FAM83B: variants seen among roughly 807,000 people sequenced by gnomAD.
FAM83B encodes scaffolding CK1 anchoring protein B.
Under a neutral mutation model 38.8 loss-of-function variants are expected in FAM83B, and 26 were observed. The ratio of observed to expected loss-of-function variants is 0.67; its 90% CI spans 0.49 to 0.93. FAM83B has a LOEUF of 0.93. Ranked by LOEUF, FAM83B falls within the 40% of genes least tolerant of loss-of-function variation. The pLI is 0.00. For synonymous variants in FAM83B, 419 were observed against 423.1 expected (o/e 0.99, Z 0.12); for missense variants, 1,237 against 1,197.3 (o/e 1.03, Z -0.49).
chr6:54,911,140 C>CGT (rs138421344), intron 2 of FAM83B, among the ~76,000 whole-genome samples: 2,254 of 147,468 alleles, frequency 0.015, 38 homozygotes, highest in African/African-American at 0.036. Flanking sequence ...TGACACACAG[C>CGT]GTGTGTGTGT....
intron 1 of FAM83B, among the ~76,000 whole-genome samples, chr6:54,848,785 TC>T (rs990365675): frequency 6.6e-6 from 1 of 152,164 alleles, no homozygotes; most frequent in Non-Finnish European, 1.5e-5. Flanking sequence ...GAAACTGTTA[TC>T]CCATCAAAGC....
At chr6:54,927,781 C>T (rs1773336251) in intron 4 of FAM83B, 149 bp downstream of exon 4, 2 of 648,480 alleles carry the variant, frequency 3.1e-6, no homozygotes, top group Non-Finnish European at 4.4e-6. Flanking sequence ...AGATTAGAGA[C>T]CTAGGTTTGA....
chr6:54,935,749 C>T (rs902937589), intron 4 of FAM83B, among the ~76,000 whole-genome samples: 17 of 151,922 alleles, frequency 1.1e-4, no homozygotes, highest in Admixed American at 3.9e-4. Context: ...TCAAATTAGC[C>T]GAAAATGCTA....
chr6:54,933,592 A>C (rs1773468864), intron 4 of FAM83B, among the ~76,000 whole-genome samples: 1 of 152,158 alleles, frequency 6.6e-6, no homozygotes, highest in East Asian at 1.9e-4. Flanking sequence ...AGACATCTTA[A>C]AAATAATCAG....
intron 2 of FAM83B, among the ~76,000 whole-genome samples, chr6:54,888,401 G>T (rs1211236674): frequency 6.6e-6 from 1 of 151,802 alleles, no homozygotes; most frequent in African/African-American, 2.4e-5. Context: ...TCTTCCTAAA[G>T]AATTCCCTTT....
chr6:54,875,537 A>T (rs1013965242), intron 2 of FAM83B, among the ~76,000 whole-genome samples: 2 of 152,224 alleles, frequency 1.3e-5, no homozygotes, highest in Non-Finnish European at 2.9e-5. Context: ...ATCCTGGGAC[A>T]TTAAGTTGAA....
intron 2 of FAM83B, among the ~76,000 whole-genome samples, chr6:54,894,848 T>G (rs1581907229): frequency 6.6e-6 from 1 of 152,214 alleles, no homozygotes; most frequent in Non-Finnish European, 1.5e-5. Context: ...GGGCAGTGGT[T>G]GAGAGCATGA....
At chr6:54,859,022 G>A (rs1771511251) in intron 1 of FAM83B, among the ~76,000 whole-genome samples, 1 of 152,070 alleles carries the variant, frequency 6.6e-6, no homozygotes, top group Admixed American at 6.6e-5. Flanking sequence ...GACAGTTTCT[G>A]TATGGGCATT....
chr6:54,902,985 A>G (rs1230632292), intron 2 of FAM83B, among the ~76,000 whole-genome samples: 1 of 152,236 alleles, frequency 6.6e-6, no homozygotes, highest in South Asian at 2.1e-4. Flanking sequence ...AAAAAATAGA[A>G]CAAGTCATCT....
chr6:54,869,453 C>A (rs1036214644), intron 1 of FAM83B, among the ~76,000 whole-genome samples: 2 of 152,128 alleles, frequency 1.3e-5, no homozygotes, highest in African/African-American at 2.4e-5. Context: ...TTAAAAGGAA[C>A]CTGTTTTCCA....
rs767013727 is a variant in FAM83B at position 54,941,355 on chromosome 6, C to T, written c.2384C>T (p.Pro795Leu). The stretch of plus-strand genomic sequence containing the variant: ...GAAAATCTATCCAAAAATAAAGCAC[C>T]TGCCTTTTATAGATTGTGTAGTAGC... ...KKENLSKNKA[P>L]AFYRLCSSSD... The change falls in exon 5 of 5, where the codon CCT becomes CTT. Residue 795 changes from proline (P) to leucine (L), a missense_variant. Transcript: ENST00000306858. The T allele has an allele frequency of 9.3e-6, 15 of 1,613,346 alleles. No individual in the cohort carries two copies. The South Asian group carries it at 1.7e-4, about 18-fold the overall frequency.
intron 1 of FAM83B, among the ~76,000 whole-genome samples, chr6:54,858,224 T>G (rs531958824): frequency 6.6e-6 from 1 of 152,334 alleles, no homozygotes; most frequent in Admixed American, 6.5e-5. Flanking sequence ...CTTCTGCATA[T>G]CTCAGCAATG....
chr6:54,891,195 C>T (rs2127580343), intron 2 of FAM83B, among the ~76,000 whole-genome samples: 1 of 152,144 alleles, frequency 6.6e-6, no homozygotes, highest in Non-Finnish European at 1.5e-5. Context: ...TTTTTCCTCC[C>T]AGCCCTGCAG....
chr6:54,880,531 G>A (rs566338910), intron 2 of FAM83B, among the ~76,000 whole-genome samples: 1 of 133,584 alleles, frequency 7.5e-6, no homozygotes, highest in East Asian at 2.1e-4. Context: ...TGCCACCTCT[G>A]CCTCTCAGGT....
intron 2 of FAM83B, among the ~76,000 whole-genome samples, chr6:54,886,559 T>C (rs1772279606): frequency 6.6e-6 from 1 of 152,046 alleles, no homozygotes; most frequent in African/African-American, 2.4e-5. Flanking sequence ...TTCTTATGGA[T>C]TGGCATAAAA....
chr6:54,848,118 G>C (rs1771184781), intron 1 of FAM83B, among the ~76,000 whole-genome samples: 2 of 150,950 alleles, frequency 1.3e-5, no homozygotes, highest in African/African-American at 4.9e-5. Flanking sequence ...GGGTGGGGGT[G>C]GCGGTGGGAG....
At chr6:54,888,123 C>T (rs1272022708) in intron 2 of FAM83B, among the ~76,000 whole-genome samples, 1 of 148,022 alleles carries the variant, frequency 6.8e-6, no homozygotes. Flanking sequence ...AATTTACATT[C>T]TTGACATTTT....
rs1427015810 is a variant in FAM83B at position 54,881,414 on chromosome 6, C to T, written c.444+10724C>T. On this transcript the variant is annotated intron_variant, in intron 2 of 4. Transcript: ENST00000306858. The stretch of plus-strand genomic sequence containing the variant: ...TTGAAAATGAGAACTTTCCTTTGGG[C>T]TGTATTAATTTCATATTAATAATCA... Among the ~76,000 whole-genome samples the T allele has an allele frequency of 7.2e-5, 11 of 152,124 alleles. No individual in the cohort carries two copies. The East Asian group carries it at 2.1e-3, about 29-fold the overall frequency.
chr6:54,932,168 G>A (rs148318688), intron 4 of FAM83B, among the ~76,000 whole-genome samples: 105 of 151,872 alleles, frequency 6.9e-4, no homozygotes, highest in Non-Finnish European at 1.1e-3. Context: ...GCACCACCAC[G>A]CCTGGGTAAT....
Sources: allele counts gnomAD v4.1 joint callset (sites outside exome capture counted in the v4.1 genomes callset), GRCh38; gene constraint gnomAD v4.1.1; transcripts MANE v1.5; gene names NCBI Gene and HGNC (gene_info 2026-07-23, HGNC 2026-07-21).